The following LIMCH1 variants were observed in gnomAD, a reference collection of about 807,000 sequenced individuals.
LIMCH1 encodes the protein LIM and calponin homology domains-containing protein 1.
LIMCH1 carries 113 observed loss-of-function variants against 176.5 expected under a neutral mutation model. That is an observed-to-expected ratio of 0.64 (90% CI 0.55 to 0.75). The LOEUF (loss-of-function observed/expected upper bound fraction) is 0.75, where lower values mean the gene tolerates loss of function less well. Among genes scored for constraint, LIMCH1 ranks in the 30% least tolerant of loss-of-function variants. The probability of loss-of-function intolerance (pLI) is 0.00; values close to 1 mark genes in which losing one functional copy is unlikely to be tolerated. For synonymous variants in LIMCH1, 619 were observed against 645.9 expected, an observed-to-expected ratio of 0.96 and a Z score of 0.63; for missense variants, 1,674 against 1,814.9, an observed-to-expected ratio of 0.92 and a Z score of 1.41.
At chr4:41,656,762 C>T (rs544271342) in intron 18 of LIMCH1, among the ~76,000 whole-genome samples, 233 of 152,244 alleles carry the variant, frequency 1.5e-3, no homozygotes, top group Non-Finnish European at 1.4e-3. Flanking sequence ...GCCAGGAAAT[C>T]GCTCAGAGTC....
intron 1 of LIMCH1, among the ~76,000 whole-genome samples, chr4:41,594,676 A>T (rs1248105600): frequency 6.6e-6 from 1 of 152,084 alleles, no homozygotes; most frequent in Non-Finnish European, 1.5e-5. Context: ...CTGGAAACAG[A>T]CCTGCAGTTA....
At chr4:41,648,957 GTTATAT>G (rs1350234045) in intron 17 of LIMCH1, among the ~76,000 whole-genome samples, 1 of 149,756 alleles carries the variant, frequency 6.7e-6, no homozygotes, top group African/African-American at 2.5e-5. Flanking sequence ...TTCTGTTTCA[GTTATAT>G]TTATGTGTGT....
At chr4:41,585,262 ACTACT>A (rs2086235474) in intron 1 of LIMCH1, among the ~76,000 whole-genome samples, 1 of 152,168 alleles carries the variant, frequency 6.6e-6, no homozygotes, top group Non-Finnish European at 1.5e-5. Flanking sequence ...TATGAATTTG[ACTACT>A]CTAAGTACCT....
chr4:41,530,819 A>ATTT (rs71650934), intron 3 of LIMCH1, among the ~76,000 whole-genome samples: 5 of 84,730 alleles, frequency 5.9e-5, no homozygotes, highest in East Asian at 3.2e-4. Context: ...AAAAAAAAAA[A>ATTT]TTTTTTTTTT....
intron 2 of LIMCH1, among the ~76,000 whole-genome samples, chr4:41,506,864 G>A (rs545533766): frequency 2.0e-4 from 31 of 151,944 alleles, no homozygotes; most frequent in Non-Finnish European, 3.5e-4. Flanking sequence ...ACTTAATCTC[G>A]ACACTAACTG....
At chr4:41,427,287 C>G (rs2061204016) in intron 1 of LIMCH1, among the ~76,000 whole-genome samples, 1 of 152,204 alleles carries the variant, frequency 6.6e-6, no homozygotes, top group Non-Finnish European at 1.5e-5. Context: ...CTCACTTCTT[C>G]TGACTCCAAG....
chr4:41,677,303 G>A (rs1711602218), intron 23 of LIMCH1, among the ~76,000 whole-genome samples: 1 of 152,108 alleles, frequency 6.6e-6, no homozygotes, highest in African/African-American at 2.4e-5. Context: ...CCCAGCTAGG[G>A]AGGCTGAGAC....
chr4:41,470,131 T>C (rs1013498251), intron 1 of LIMCH1, among the ~76,000 whole-genome samples: 1 of 152,208 alleles, frequency 6.6e-6, no homozygotes, highest in Non-Finnish European at 1.5e-5. Flanking sequence ...ACTTACCCAC[T>C]ACCCATGTAT....
intron 13 of LIMCH1, among the ~76,000 whole-genome samples, chr4:41,636,224 T>A (rs1429488583): frequency 6.6e-6 from 1 of 151,938 alleles, no homozygotes; most frequent in Non-Finnish European, 1.5e-5. Context: ...AATTAAACTT[T>A]ATTGACTTTT....
chr4:41,688,023 G>T, intron 29 of LIMCH1, 106 bp downstream of exon 29: 1 of 846,978 alleles, frequency 1.2e-6, no homozygotes, highest in East Asian at 2.5e-5. Context: ...TGAGGGATGT[G>T]TCCATCCACA....
intron 5 of LIMCH1, among the ~76,000 whole-genome samples, chr4:41,615,078 T>C (rs2091916570): frequency 6.6e-6 from 1 of 152,202 alleles, no homozygotes. Flanking sequence ...AAATGTTATA[T>C]GTCATTTTAA....
chr4:41,615,352 G>C (rs2091946216), intron 5 of LIMCH1, among the ~76,000 whole-genome samples: 1 of 152,106 alleles, frequency 6.6e-6, no homozygotes, highest in Non-Finnish European at 1.5e-5. Context: ...ATTGGAGGTG[G>C]TGATTACTAA....
intron 1 of LIMCH1, among the ~76,000 whole-genome samples, chr4:41,479,241 C>T (rs2068188919): frequency 1.3e-5 from 2 of 152,164 alleles, no homozygotes; most frequent in African/African-American, 4.8e-5. Context: ...TATATAACCA[C>T]CATGCCATTA....
At chr4:41,661,951 A>T in intron 19 of LIMCH1, 1 of 396,994 alleles carries the variant, frequency 2.5e-6, no homozygotes, top group Non-Finnish European at 4.9e-6. Flanking sequence ...CAGTGAGTAT[A>T]ATATACTGTA....
At chr4:41,525,694 A>G (rs1232644885) in intron 3 of LIMCH1, among the ~76,000 whole-genome samples, 1 of 152,104 alleles carries the variant, frequency 6.6e-6, no homozygotes, top group African/African-American at 2.4e-5. Context: ...TATATTTGGA[A>G]GGAATATATT....
intron 2 of LIMCH1, among the ~76,000 whole-genome samples, chr4:41,603,051 C>T (rs1721012254): frequency 6.6e-6 from 1 of 152,000 alleles, no homozygotes; most frequent in African/African-American, 2.4e-5. Flanking sequence ...TACTTTAGGT[C>T]AGTGTATGCT....
intron 1 of LIMCH1, among the ~76,000 whole-genome samples, chr4:41,540,815 A>G (rs2078538610): frequency 6.6e-6 from 1 of 152,216 alleles, no homozygotes; most frequent in South Asian, 2.1e-4. Context: ...GGTACTAACC[A>G]TATTCAGTGT....
chr4:41,524,450 A>G (rs1428080609), exon 3 of LIMCH1: 1 of 1,613,888 alleles, frequency 6.2e-7, no homozygotes, highest in Non-Finnish European at 8.5e-7. Flanking sequence ...AAAAAGATCA[A>G]TAGATTGCCT....
chr4:41,512,534 ATGTGGTATATCCT>A (rs1035305050), intron 2 of LIMCH1, among the ~76,000 whole-genome samples: 1 of 152,240 alleles, frequency 6.6e-6, no homozygotes, highest in Non-Finnish European at 1.5e-5. Flanking sequence ...GATAGATCAA[ATGTGGTATATCCT>A]TGCAATGCAA....
Sources: allele counts gnomAD v4.1 joint callset (sites outside exome capture counted in the v4.1 genomes callset), GRCh38; gene constraint gnomAD v4.1.1; transcripts MANE v1.5; gene names NCBI Gene and HGNC (gene_info 2026-07-23, HGNC 2026-07-21).